CSMD1: variants seen among roughly 807,000 people sequenced by gnomAD.
CSMD1 encodes the protein CUB and sushi domain-containing protein 1.
Under a neutral mutation model 417.5 loss-of-function variants are expected in CSMD1, and 213 were observed. That is an observed-to-expected ratio of 0.51 (90% CI 0.46 to 0.57). The LOEUF (loss-of-function observed/expected upper bound fraction) is 0.57. Ranked by LOEUF, CSMD1 falls within the 20% of genes least tolerant of loss-of-function variation. The probability of loss-of-function intolerance (pLI) is 0.00; values close to 1 mark genes in which losing one functional copy is unlikely to be tolerated. For synonymous variants in CSMD1, 2,862 were observed against 1,736.8 expected (o/e 1.65, Z -16.11); for missense variants, 6,923 against 4,529.7 (o/e 1.53, Z -15.17).
At chr8:4,545,790 A>C (rs927546482) in intron 2 of CSMD1, among the ~76,000 whole-genome samples, 15 of 152,212 alleles carry the variant, frequency 9.9e-5, no homozygotes, top group Admixed American at 3.9e-4. Context: ...CCATGTTAAA[A>C]TCCATTGCAG....
At position 3,308,441 on chromosome 8, in the gene CSMD1, C is replaced by T; in HGVS notation, c.3694G>A (p.Glu1232Lys). The T allele has an allele frequency of 1.2e-6, 2 of 1,613,804 alleles. No homozygotes were observed. Among genetic ancestry groups the T allele is most frequent in the Non-Finnish European group, 1.7e-6 (2 of 1,179,804 alleles). ...IPNYGYRIRDEGHFTDTVVLY... is the reference protein window; with the variant it reads ...IPNYGYRIRDKGHFTDTVVLY... The stretch of plus-strand genomic sequence containing the variant: ...ACTACAGTGTCGGTAAAGTGGCCTT[C>T]ATCACGGATCCTATAGCCGTAGTTA... Residue 1232 changes from glutamate to lysine, a missense_variant, in exon 24 of 70, where the codon GAA becomes AAA. By Grantham distance (56) the Glu-to-Lys change is moderately conservative. Transcript: ENST00000635120.
intron 7 of CSMD1, among the ~76,000 whole-genome samples, chr8:3,670,028 G>A (rs906947730): frequency 6.6e-6 from 1 of 152,182 alleles, no homozygotes; most frequent in Admixed American, 6.5e-5. Flanking sequence ...GTAAAAGGCA[G>A]TGAAATGTTC....
chr8:4,443,203 G>C (rs1214889188), intron 2 of CSMD1, among the ~76,000 whole-genome samples: 6 of 152,100 alleles, frequency 3.9e-5, no homozygotes. Context: ...GTATACAAGA[G>C]GTGTTCAATT....
intron 1 of CSMD1, among the ~76,000 whole-genome samples, chr8:4,833,299 G>C (rs1234691400): frequency 1.3e-5 from 2 of 152,306 alleles, no homozygotes; most frequent in Non-Finnish European, 2.9e-5. Flanking sequence ...GCAGAAGGGC[G>C]AATGGGAAGC....
chr8:4,975,940 AT>A (rs35989767), intron 1 of CSMD1, among the ~76,000 whole-genome samples: 3 of 152,224 alleles, frequency 2.0e-5, no homozygotes, highest in African/African-American at 7.2e-5. Context: ...ATAAAACATA[AT>A]TTTATTTACT....
intron 3 of CSMD1, among the ~76,000 whole-genome samples, chr8:4,391,503 C>G (rs1476162022): frequency 1.3e-5 from 2 of 152,090 alleles, no homozygotes; most frequent in African/African-American, 4.8e-5. Context: ...TCTGCTGTGA[C>G]CAGTGCAGGA....
intron 3 of CSMD1, among the ~76,000 whole-genome samples, chr8:4,320,943 A>C (rs577117468): frequency 2.0e-5 from 3 of 152,248 alleles, no homozygotes; most frequent in African/African-American, 7.2e-5. Flanking sequence ...TCCCAGTGTG[A>C]GGTCCTAGCC....
intron 1 of CSMD1, among the ~76,000 whole-genome samples, chr8:4,920,873 AAAG>A (rs1563768516): frequency 5.5e-5 from 1 of 18,318 alleles, no homozygotes; most frequent in Non-Finnish European, 1.9e-4. Context: ...AAAGAAAAGA[AAAG>A]AAAAGAAAAG....
chr8:4,731,489 T>C (rs1287043071), intron 1 of CSMD1, among the ~76,000 whole-genome samples: 1 of 152,226 alleles, frequency 6.6e-6, no homozygotes, highest in Non-Finnish European at 1.5e-5. Flanking sequence ...GGAGCAAATA[T>C]TCATTCAGAT....
intron 1 of CSMD1, among the ~76,000 whole-genome samples, chr8:4,941,432 A>T (rs11783728): frequency 0.51 from 77,741 of 151,816 alleles, 21,137 homozygotes; most frequent in East Asian, 0.79. Context: ...GTGTTTATAT[A>T]GGAAGCCATG....
intron 52 of CSMD1, 48 bp downstream of exon 52, chr8:3,018,429 C>A (rs765129806): frequency 3.2e-6 from 5 of 1,563,670 alleles, no homozygotes; most frequent in Non-Finnish European, 4.4e-6. Context: ...TAATCTATTT[C>A]TAAGGTTTAT....
rs574768056 is a variant in CSMD1, at chr8:4,361,571, G to C, written c.415+58382C>G. On this transcript the variant is annotated intron_variant, in intron 3 of 69. Transcript: ENST00000635120. The stretch of plus-strand genomic sequence containing the variant: ...TTAAAAAGTCGTAGAGTTCAAGTTT[G>C]TTCCTCTGTGAAACGCAGTTGCCCT... 2.9e-4 allele frequency among the ~76,000 whole-genome samples: 44 copies of C among 152,286 alleles called. 1 individual carries two copies. Among genetic ancestry groups the C allele is most frequent in the African/African-American group, 1.0e-3 (43 of 41,558 alleles).
chr8:4,848,659 C>T (rs1474846446), intron 1 of CSMD1, among the ~76,000 whole-genome samples: 1 of 151,828 alleles, frequency 6.6e-6, no homozygotes, highest in Non-Finnish European at 1.5e-5. Flanking sequence ...CCTGGCTCTG[C>T]CTCTCGAGTA....
At chr8:4,869,650 A>G (rs1194025578) in intron 1 of CSMD1, among the ~76,000 whole-genome samples, 2 of 152,064 alleles carry the variant, frequency 1.3e-5, no homozygotes, top group Admixed American at 6.5e-5. Flanking sequence ...CTCTGCTAAT[A>G]CAGATTTTTA....
At chr8:4,028,900 G>C (rs1242280657) in intron 4 of CSMD1, among the ~76,000 whole-genome samples, 1 of 152,160 alleles carries the variant, frequency 6.6e-6, no homozygotes, top group Non-Finnish European at 1.5e-5. Context: ...AAGAGTTGAA[G>C]TATGCTCTTT....
chr8:4,016,007 G>A (rs1202211367), intron 4 of CSMD1, among the ~76,000 whole-genome samples: 1 of 152,160 alleles, frequency 6.6e-6, no homozygotes, highest in African/African-American at 2.4e-5. Flanking sequence ...GGCCTTATCA[G>A]CCACTGTCTT....
chr8:4,226,669 G>T (rs917827454), intron 3 of CSMD1, among the ~76,000 whole-genome samples: 1 of 152,052 alleles, frequency 6.6e-6, no homozygotes, highest in Admixed American at 6.5e-5. Context: ...ATAGAAATTA[G>T]TAAATGTATT....
At chr8:3,737,790 G>A (rs1438242586) in intron 6 of CSMD1, among the ~76,000 whole-genome samples, 1 of 152,098 alleles carries the variant, frequency 6.6e-6, no homozygotes. Flanking sequence ...TGAAATCAAA[G>A]GAGACAAATA....
At chr8:3,478,433 T>C (rs1169107430) in intron 11 of CSMD1, among the ~76,000 whole-genome samples, 1 of 152,182 alleles carries the variant, frequency 6.6e-6, no homozygotes, top group Admixed American at 6.5e-5. Flanking sequence ...CAGATCCTTT[T>C]TTCCTTCCCC....
Sources: allele counts gnomAD v4.1 joint callset (sites outside exome capture counted in the v4.1 genomes callset), GRCh38; gene constraint gnomAD v4.1.1; transcripts MANE v1.5; gene names NCBI Gene and HGNC (gene_info 2026-07-23, HGNC 2026-07-21).